Variants in HIPK1 observed in about 807,000 individuals in gnomAD.
HIPK1 encodes the protein homeodomain-interacting protein kinase 1.
HIPK1 carries 28 observed loss-of-function variants against 117.1 expected under a neutral mutation model. That is an observed-to-expected ratio of 0.24 (90% confidence interval 0.18 to 0.33). The LOEUF (loss-of-function observed/expected upper bound fraction) is 0.33, where lower values mean the gene tolerates loss of function less well. Among genes scored for constraint, HIPK1 ranks in the 10% least tolerant of loss-of-function variants. The pLI, the probability that HIPK1 is intolerant of heterozygous loss-of-function variation, is 1.00. For missense variants in HIPK1, 1,122 were observed against 1,475.1 expected (o/e 0.76, Z 3.92); for synonymous variants, 605 against 562.5 (o/e 1.08, Z -1.07).
In HIPK1 at chr1:113,973,146, G is replaced by A. The variant is rs757343897; in HGVS notation, c.3267G>A (p.Pro1089=). ...CCTACACCTTCCAGCATGGCAGCCC[G>A]CTACACTCGACAGGGCACCCACACC... ...QAPYTFQHGS[P]LHSTGHPHLA... is the part of the protein sequence containing the mutation. The change falls in exon 16 of 16, where the codon CCG becomes CCA. Residue 1089 remains proline (P), a synonymous_variant. Coordinates refer to ENST00000426820, the MANE Select transcript of HIPK1 (RefSeq NM_198268.3). 3.2e-5 allele frequency: 51 copies of A among 1,603,986 alleles called. No homozygotes were observed. The highest frequency in any genetic ancestry group is 6.7e-5 in the Admixed American group (4 of 59,390).
In HIPK1 at chr1:113,969,916, AAAG is replaced by A. The variant is rs763374909; in HGVS notation, c.2772-37_2772-35del. ...AACAAGACGCTGTCACACACACAAAAAAGAACAATTCAATTTTCATGTATTTTT... is the reference window on the plus strand; with the variant it reads ...AACAAGACGCTGTCACACACACAAAAAACAATTCAATTTTCATGTATTTTT... On this transcript the variant is annotated intron_variant, in intron 13 of 15. Transcript: ENST00000426820. 3 of 1,610,820 alleles carry A rather than the reference AAAG, an allele frequency of 1.9e-6. No homozygotes were observed. In the East Asian group the frequency reaches 6.7e-5, roughly 36 times the overall value.
chr1:113,940,443 T>C lies in HIPK1; in HGVS notation c.60T>C (p.Ser20=). 3 of 1,614,098 alleles carry C rather than the reference T, an allele frequency of 1.9e-6. No homozygotes were observed. Among genetic ancestry groups the C allele is most frequent in the Non-Finnish European group, 2.5e-6 (3 of 1,180,008 alleles). The part of the protein sequence containing the change: ...PPSVSSSAFC[S]AKKLKIEPSG... ...CAGTGTCGTCGAGTGCCTTCTGCAG[T>C]GCGAAGAAACTGAAAATAGAGCCCT... Residue 20 remains serine (S), a synonymous_variant, in exon 2 of 16, where the codon AGT becomes AGC. Coordinates refer to ENST00000426820, the MANE Select transcript of HIPK1 (RefSeq NM_198268.3).
In HIPK1 at chr1:113,954,750, T is replaced by C. The variant is rs779778820; in HGVS notation, c.1300T>C (p.Tyr434His). 1 of 1,614,078 alleles carries C rather than the reference T, an allele frequency of 6.2e-7. No individual in the cohort carries two copies. Among genetic ancestry groups the C allele is most frequent in the Non-Finnish European group, 8.5e-7 (1 of 1,179,946 alleles). Residue 434 changes from tyrosine to histidine, a missense_variant, in exon 4 of 16, where the codon TAC (tyrosine) becomes CAC (histidine). Coordinates refer to ENST00000426820, the MANE Select transcript of HIPK1 (RefSeq NM_198268.3). ...TTTCAACAGAGATCCTAATTTGGGG[T>C]ACCCACTGTGGAGGCTTAAGGTCTG... ...RFFNRDPNLG[Y>H]PLWRLKTPEE... is the part of the protein sequence containing the mutation.
At chr1:113,936,396 G>GT (rs1670250892) in intron 1 of HIPK1, among the ~76,000 whole-genome samples, 1 of 151,886 alleles carries the variant, frequency 6.6e-6, no homozygotes, top group Non-Finnish European at 1.5e-5. Context: ...CTTTTATTAT[G>GT]TTTTTTGGGT....
intron 1 of HIPK1, among the ~76,000 whole-genome samples, chr1:113,936,146 G>C (rs1670233590): frequency 6.6e-6 from 1 of 152,186 alleles, no homozygotes; most frequent in East Asian, 1.9e-4. Context: ...ATTGAGGTCA[G>C]AATGAGTCTC....
rs578131920 is a variant in HIPK1, at chr1:113,974,416, A to G, written c.*904A>G. ...TACATGGTGGTGGTGGTTTTATTAT[A>G]TGCAAAATCTCTGTCTATTATGAGA... On this transcript the variant is annotated 3_prime_UTR_variant, in exon 16 of 16. Transcript: ENST00000426820. The G allele has an allele frequency of 2.6e-5, 4 of 152,904 alleles. No homozygotes were observed. The highest frequency in any genetic ancestry group is 2.1e-4 in the South Asian group (1 of 4,830). The allele number at this position is 152,904 out of a possible 1,614,324, so 9.5% of individuals were successfully genotyped here.
At chr1:113,965,168 A>T (rs986054706) in intron 10 of HIPK1, among the ~76,000 whole-genome samples, 38 of 152,346 alleles carry the variant, frequency 2.5e-4, no homozygotes, top group African/African-American at 9.1e-4. Context: ...TTTTTAAAAC[A>T]GTGTGTTGAT....
At chr1:113,933,825 C>A (rs1305270075) in intron 1 of HIPK1, among the ~76,000 whole-genome samples, 2 of 152,074 alleles carry the variant, frequency 1.3e-5, no homozygotes, top group Admixed American at 6.5e-5. Context: ...GAACCATGAT[C>A]GTGTACTGCA....
At chr1:113,970,538 T>G (rs1418089572) in intron 14 of HIPK1, among the ~76,000 whole-genome samples, 5 of 152,204 alleles carry the variant, frequency 3.3e-5, no homozygotes, top group Non-Finnish European at 7.3e-5. Context: ...GCAATTGAGA[T>G]GTAGACAGGA....
chr1:113,951,339 C>G, intron 2 of HIPK1: 1 of 933,738 alleles, frequency 1.1e-6, no homozygotes, highest in African/African-American at 1.8e-5. Context: ...ATAATATACT[C>G]AATTCTGGAG....
chr1:113,963,177 T>G (rs1672234066), intron 9 of HIPK1, among the ~76,000 whole-genome samples: 1 of 152,220 alleles, frequency 6.6e-6, no homozygotes, highest in Non-Finnish European at 1.5e-5. Context: ...AGGATTCCTA[T>G]ACTTCTTTGT....
intron 6 of HIPK1, 70 bp downstream of exon 6, chr1:113,956,881 T>G (rs1453681138): frequency 5.1e-6 from 7 of 1,372,446 alleles, no homozygotes; most frequent in Non-Finnish European, 4.1e-6. Flanking sequence ...TCAATGGCAC[T>G]ATCAAATGAG....
At chr1:113,971,361 T>G (rs1470750728) in intron 14 of HIPK1, among the ~76,000 whole-genome samples, 1 of 152,230 alleles carries the variant, frequency 6.6e-6, no homozygotes, top group Non-Finnish European at 1.5e-5. Flanking sequence ...GTCCTGTAAT[T>G]TCTAAGAATT....
chr1:113,972,894 C>A, intron 15 of HIPK1, 130 bp from the exon 16 acceptor site: 1 of 906,678 alleles, frequency 1.1e-6, no homozygotes, highest in Non-Finnish European at 1.6e-6. Flanking sequence ...CATTCAATGC[C>A]AGTGTGGGAG....
intron 1 of HIPK1, among the ~76,000 whole-genome samples, chr1:113,931,411 T>C (rs1257368185): frequency 2.6e-5 from 4 of 152,210 alleles, no homozygotes; most frequent in African/African-American, 9.6e-5. Flanking sequence ...AAAGATATTT[T>C]AGTAAAGTAC....
rs564474232 is a variant in HIPK1 at position 113,974,402 on chromosome 1, G to A, written c.*890G>A. Reference sequence around the variant, plus strand: ...AAGGTGGTTATTATTACATGGTGGTGGTGGTTTTATTATATGCAAAATCTC... The same window carrying A: ...AAGGTGGTTATTATTACATGGTGGTAGTGGTTTTATTATATGCAAAATCTC... On this transcript the variant is annotated 3_prime_UTR_variant, in exon 16 of 16. Transcript: ENST00000426820. 53 of 152,830 alleles carry A rather than the reference G, an allele frequency of 3.5e-4. 1 individual carries two copies. Among genetic ancestry groups the A allele is most frequent in the African/African-American group, 1.2e-3 (50 of 41,556 alleles). The allele number at this position is 152,830 out of a possible 1,614,324, so 9.5% of individuals were successfully genotyped here.
intron 1 of HIPK1, chr1:113,930,993 C>T (rs1389408285): frequency 1.3e-5 from 2 of 152,234 alleles, no homozygotes; most frequent in Non-Finnish European, 2.9e-5. Flanking sequence ...ATACTTTCAG[C>T]TATAGACTCT....
chr1:113,960,373 A>G (rs1269647262), intron 8 of HIPK1, among the ~76,000 whole-genome samples: 1 of 152,216 alleles, frequency 6.6e-6, no homozygotes, highest in Non-Finnish European at 1.5e-5. Context: ...CTAAAGTACA[A>G]TAGCAATCTA....
rs1330108885 is a variant in HIPK1 at position 113,929,497 on chromosome 1, G to A, written c.-38G>A. The A allele has an allele frequency of 8.5e-6, 11 of 1,289,190 alleles. No individual in the cohort carries two copies. The highest frequency in any genetic ancestry group is 5.5e-5 in the East Asian group (1 of 18,082). The allele number at this position is 1,289,190 out of a possible 1,614,324, so 79.9% of individuals were successfully genotyped here. A position where few individuals can be genotyped will look rare whatever the true frequency, so the allele number is the denominator to read the frequency against. On this transcript the variant is annotated 5_prime_UTR_variant, in exon 1 of 16. Coordinates refer to ENST00000426820, the MANE Select transcript of HIPK1 (RefSeq NM_198268.3). Reference sequence around the variant, plus strand: ...CTACTGCAATCAGTACTATGCGATCGTCCTAGAGAGTCCATTCAGCTGCAC... The same window carrying A: ...CTACTGCAATCAGTACTATGCGATCATCCTAGAGAGTCCATTCAGCTGCAC...
Sources: gnomAD v4.1 joint callset for allele counts (sites outside exome capture counted in the v4.1 genomes callset) on GRCh38, gnomAD v4.1.1 for gene constraint, MANE v1.5 for transcripts, NCBI Gene and HGNC (gene_info 2026-07-23, HGNC 2026-07-21) for gene names.